The following DIP2B variants were observed in gnomAD, a reference collection of about 807,000 sequenced individuals.
DIP2B encodes the protein DIP2 acetate--CoA ligase B (putative).
A neutral mutation model predicts 198.0 loss-of-function variants in DIP2B; 76 were observed. The ratio of observed to expected loss-of-function variants is 0.38; its 90% CI spans 0.32 to 0.46. DIP2B has a LOEUF of 0.46. Among genes scored for constraint, DIP2B ranks in the 20% least tolerant of loss-of-function variants. The pLI is 0.99. For missense variants in DIP2B, 1,559 were observed against 1,978.4 expected (o/e 0.79, Z 4.02); for synonymous variants, 701 against 739.1 (o/e 0.95, Z 0.84).
At chr12:50,684,344 A>G (rs968252482) in intron 10 of DIP2B, among the ~76,000 whole-genome samples, 2 of 152,236 alleles carry the variant, frequency 1.3e-5, no homozygotes, top group Non-Finnish European at 2.9e-5. Flanking sequence ...TTTTACTTTG[A>G]CAATACATCA....
At chr12:50,631,313 A>G (rs1297101505) in intron 2 of DIP2B, among the ~76,000 whole-genome samples, 2 of 150,242 alleles carry the variant, frequency 1.3e-5, no homozygotes, top group Admixed American at 6.6e-5. Context: ...TGCAACCTCT[A>G]CCTCCTGGGT....
At chr12:50,516,744 G>T (rs1958068922) in intron 1 of DIP2B, among the ~76,000 whole-genome samples, 2 of 152,104 alleles carry the variant, frequency 1.3e-5, no homozygotes, top group Non-Finnish European at 2.9e-5. Flanking sequence ...GGAGGCCAAG[G>T]TGGGCGGATC....
intron 19 of DIP2B, among the ~76,000 whole-genome samples, chr12:50,702,912 C>CT (rs1939447295): frequency 6.6e-6 from 1 of 151,958 alleles, no homozygotes; most frequent in Admixed American, 6.6e-5. Context: ...GGATTAATGT[C>CT]TACTGTCTTG....
intron 3 of DIP2B, among the ~76,000 whole-genome samples, chr12:50,652,645 T>C (rs578037643): frequency 6.6e-6 from 1 of 152,238 alleles, no homozygotes; most frequent in South Asian, 2.1e-4. Flanking sequence ...GTTTTTTCTA[T>C]CTCTGGAAAA....
intron 8 of DIP2B, among the ~76,000 whole-genome samples, 200 bp from the exon 9 acceptor site, chr12:50,680,472 T>C (rs1377335270): frequency 6.6e-6 from 1 of 152,152 alleles, no homozygotes; most frequent in Non-Finnish European, 1.5e-5. Flanking sequence ...AAGGCATGAC[T>C]GGCTTTTGTA....
At chr12:50,586,329 T>C (rs949598473) in intron 1 of DIP2B, among the ~76,000 whole-genome samples, 2 of 152,144 alleles carry the variant, frequency 1.3e-5, no homozygotes, top group Non-Finnish European at 2.9e-5. Flanking sequence ...TTGGAGGATG[T>C]AGAGAGGCAG....
At chr12:50,659,228 A>G (rs1019818727) in intron 3 of DIP2B, among the ~76,000 whole-genome samples, 1 of 152,174 alleles carries the variant, frequency 6.6e-6, no homozygotes, top group African/African-American at 2.4e-5. Context: ...CCTTCTTTCT[A>G]GGGCATTGTC....
rs1267402062 is a variant in DIP2B at position 50,691,467 on chromosome 12, G to C, written c.1654+316G>C. On this transcript the variant is annotated intron_variant, in intron 13 of 37. Coordinates refer to ENST00000301180, the MANE Select transcript of DIP2B (RefSeq NM_173602.3). ...CCCCTGCCTGTATAGTGGGCTACCA[G>C]CTATACATTTGGAGTCAAAGAAATT... is the stretch of plus-strand genomic sequence containing the variant. Among the ~76,000 whole-genome samples, 5 of 152,278 alleles carry C rather than the reference G, an allele frequency of 3.3e-5. No homozygotes were observed. In the East Asian group the frequency reaches 9.6e-4, roughly 29 times the overall value.
chr12:50,544,860 G>A (rs142235059), intron 1 of DIP2B, among the ~76,000 whole-genome samples: 8,914 of 148,518 alleles, frequency 0.06, 341 homozygotes, highest in Non-Finnish European at 0.09. Flanking sequence ...CTCATGATCT[G>A]CCCGCCTTGG....
chr12:50,555,058 G>A (rs1031202958), intron 1 of DIP2B, among the ~76,000 whole-genome samples: 10 of 152,050 alleles, frequency 6.6e-5, no homozygotes, highest in East Asian at 1.9e-4. Context: ...GTGAGCCACC[G>A]CGCCTGGCTG....
intron 3 of DIP2B, among the ~76,000 whole-genome samples, chr12:50,650,772 T>C (rs935483498): frequency 6.6e-6 from 1 of 152,208 alleles, no homozygotes; most frequent in Non-Finnish European, 1.5e-5. Flanking sequence ...TGAACATGAG[T>C]GTACAAATAT....
intron 1 of DIP2B, among the ~76,000 whole-genome samples, chr12:50,611,677 C>G (rs2139454075): frequency 6.6e-6 from 1 of 152,220 alleles, no homozygotes; most frequent in African/African-American, 2.4e-5. Context: ...ACCCCCAGTA[C>G]TAGATCCCTT....
intron 25 of DIP2B, among the ~76,000 whole-genome samples, chr12:50,719,342 T>C (rs1939791171): frequency 6.6e-6 from 1 of 152,218 alleles, no homozygotes; most frequent in African/African-American, 2.4e-5. Flanking sequence ...CACAATGTGT[T>C]ATGTCATACA....
rs1938850686 is a variant in DIP2B at position 50,671,356 on chromosome 12, A to G, written c.598A>G (p.Thr200Ala). 6.2e-7 allele frequency: 1 copy of G among 1,614,176 alleles called. No individual in the cohort carries two copies. The highest frequency in any genetic ancestry group is 8.5e-7 in the Non-Finnish European group (1 of 1,180,028). Reference protein sequence around the residue: ...STLSHGEVKGTSGSLADVFAN... With the variant: ...STLSHGEVKGASGSLADVFAN... ...GCTGTCCCACGGAGAGGTCAAAGGA[A>G]CCAGTGGGTCTCTAGCTGATGTATT... The change falls in exon 5 of 38, where the codon ACC (threonine) becomes GCC (alanine). Residue 200 changes from threonine (T) to alanine (A), a missense_variant. Physicochemically the swap from Thr to Ala is moderately conservative, Grantham distance 58. Transcript: ENST00000301180.
In DIP2B at chr12:50,655,333, C is replaced by A. The variant is rs529219187; in HGVS notation, c.302-4861C>A. On this transcript the variant is annotated intron_variant, in intron 3 of 37. Transcript: ENST00000301180. ...ATACATGTCTGCTTATTTGTGTAAA[C>A]AATAGTAAATATGTATGTATCTACT... Among the ~76,000 whole-genome samples the A allele has an allele frequency of 3.3e-5, 5 of 152,256 alleles. No individual in the cohort carries two copies. In the South Asian group the frequency reaches 1.0e-3, roughly 32 times the overall value.
At chr12:50,653,134 C>A (rs1938487558) in intron 3 of DIP2B, among the ~76,000 whole-genome samples, 1 of 151,910 alleles carries the variant, frequency 6.6e-6, no homozygotes, top group Non-Finnish European at 1.5e-5. Flanking sequence ...TCCAGTGAAG[C>A]TGTCAGGTCC....
intron 3 of DIP2B, among the ~76,000 whole-genome samples, chr12:50,655,321 T>C (rs1938535621): frequency 6.6e-6 from 1 of 152,228 alleles, no homozygotes; most frequent in African/African-American, 2.4e-5. Context: ...CATGTCTGCT[T>C]ATTTGTGTAA....
chr12:50,740,331 C>T (rs1221304163), intron 36 of DIP2B, among the ~76,000 whole-genome samples: 1 of 152,242 alleles, frequency 6.6e-6, no homozygotes, highest in Non-Finnish European at 1.5e-5. Context: ...GGTGGCATCC[C>T]TGCCTGGTGC....
chr12:50,537,641 C>T (rs1313923724), intron 1 of DIP2B, among the ~76,000 whole-genome samples: 1 of 151,980 alleles, frequency 6.6e-6, no homozygotes, highest in East Asian at 1.9e-4. Flanking sequence ...ATTTGGGCAT[C>T]ATCTTCATGT....
Sources: allele counts gnomAD v4.1 joint callset (sites outside exome capture counted in the v4.1 genomes callset), GRCh38; gene constraint gnomAD v4.1.1; transcripts MANE v1.5; gene names NCBI Gene and HGNC (gene_info 2026-07-23, HGNC 2026-07-21).